SMG5: variants seen among roughly 807,000 people sequenced by gnomAD.
SMG5 encodes nonsense-mediated mRNA decay factor SMG5.
Under a neutral mutation model 122.9 loss-of-function variants are expected in SMG5, and 53 were observed. The ratio of observed to expected loss-of-function variants is 0.43; its 90% CI spans 0.35 to 0.54. SMG5 has a LOEUF of 0.54. Ranked by LOEUF, SMG5 falls within the 20% of genes least tolerant of loss-of-function variation. The pLI, the probability that SMG5 is intolerant of heterozygous loss-of-function variation, is 0.01. For missense variants in SMG5, 1,153 were observed against 1,285.6 expected, an observed-to-expected ratio of 0.90 and a Z score of 1.58; for synonymous variants, 477 against 490.2, an observed-to-expected ratio of 0.97 and a Z score of 0.35.
At chr1:156,266,502 C>T (rs1303252015) in intron 11 of SMG5, 39 bp downstream of exon 11, 2 of 1,613,658 alleles carry the variant, frequency 1.2e-6, no homozygotes, top group South Asian at 1.1e-5. Context: ...ATGCCCCACA[C>T]CAACCTTTCC....
Position 156,263,549 on chromosome 1 carries a change from G to A in SMG5, c.1877C>T (p.Ser626Leu), listed in dbSNP as rs1164468972. ...GCGTCCACTGGACTCACTCCCCTCCGACTCAGAGCCCTCCTCAGAGGCTGG... is the reference window on the plus strand; with the variant it reads ...GCGTCCACTGGACTCACTCCCCTCCAACTCAGAGCCCTCCTCAGAGGCTGG... The part of the protein sequence containing the change: ...SEPASEEGSE[S>L]EGSESSGRSC... The change falls in exon 13 of 22, where the codon TCG becomes TTG. Residue 626 changes from serine to leucine, a missense_variant. Physicochemically the swap from Ser to Leu is moderately radical, Grantham distance 145. Transcript: ENST00000361813. 6 of 1,613,896 alleles carry A rather than the reference G, an allele frequency of 3.7e-6. No individual in the cohort carries two copies. The highest frequency in any genetic ancestry group is 2.2e-5 in the East Asian group (1 of 44,880).
the SMG5 span, among the ~76,000 whole-genome samples, chr1:156,289,735 G>A: frequency 3.3e-5 from 5 of 152,322 alleles, no homozygotes; most frequent in South Asian, 2.1e-4. Flanking sequence ...AAAGAATAGA[G>A]GCACATGAAT....
rs1662160418 is a variant in SMG5 at position 156,266,603 on chromosome 1, C to G, written c.1193G>C (p.Arg398Pro). 3.1e-6 allele frequency: 5 copies of G among 1,614,084 alleles called. No homozygotes were observed. Among genetic ancestry groups the G allele is most frequent in the Non-Finnish European group, 4.2e-6 (5 of 1,180,024 alleles). Reference protein sequence around the residue: ...FSHLVNHVNIRLQAELEEGEN... With the variant: ...FSHLVNHVNIPLQAELEEGEN... ...GCCCTCTTCCAGCTCAGCCTGCAGC[C>G]GTATGTTGACATGATTGACGAGGTG... The change falls in exon 11 of 22, where the codon CGG (arginine) becomes CCG (proline). Residue 398 changes from arginine to proline, a missense_variant. Coordinates refer to ENST00000361813, the MANE Select transcript of SMG5 (RefSeq NM_015327.3).
chr1:156,253,833 C>T (rs1197184037), intron 16 of SMG5: 2 of 378,194 alleles, frequency 5.3e-6, no homozygotes, highest in Non-Finnish European at 1.0e-5. Context: ...TCAATCTGGT[C>T]TCCCTTCCCA....
intron 11 of SMG5, 68 bp from the exon 12 acceptor site, chr1:156,266,448 C>A: frequency 6.2e-7 from 1 of 1,603,306 alleles, no homozygotes. Flanking sequence ...AATGTGCTCT[C>A]CAACACCACT....
At chr1:156,278,116 C>T (rs2248273) in intron 2 of SMG5, 68 bp from the exon 3 acceptor site, 416,793 of 1,578,656 alleles carry the variant, frequency 0.26, 57,233 homozygotes, top group East Asian at 0.27. Context: ...GAACTGAGGG[C>T]AAGGAGTCAT....
intron 7 of SMG5, among the ~76,000 whole-genome samples, chr1:156,269,997 G>A (rs1439727847): frequency 3.3e-5 from 5 of 152,190 alleles, no homozygotes; most frequent in East Asian, 1.9e-4. Context: ...CCGAGATCGC[G>A]CCATTGCACA....
upstream of SMG5, chr1:156,286,594 C>T (rs1663170698): frequency 1.0e-6 from 1 of 977,566 alleles, no homozygotes; most frequent in Non-Finnish European, 1.5e-6. Context: ...CAAATGTGTG[C>T]CCTGGGGAGA....
At position 156,277,209 on chromosome 1, in the gene SMG5, G is replaced by A; in HGVS notation, c.330C>T (p.Ala110=). 1 of 1,613,754 alleles carries A rather than the reference G, an allele frequency of 6.2e-7. No individual in the cohort carries two copies. The change falls in exon 4 of 22, where the codon GCC becomes GCT. Residue 110 remains alanine, a synonymous_variant. Coordinates refer to ENST00000361813, the MANE Select transcript of SMG5 (RefSeq NM_015327.3). ...TACCAGCAACCAGGTGCGTCCTGTA[G>A]GCACATTCCAAAGTGCTCCGGCTGT... ...HIHSRSTLEC[A]YRTHLVAGIG... is the part of the protein sequence containing the mutation.
At position 156,260,477 on chromosome 1, in the gene SMG5, G is replaced by A. The variant is rs778480722; in HGVS notation, c.2257C>T (p.Arg753Trp). ...TCCTCTAAGGTGCTGAGCAGGGGCC[G>A]ATCCGTGTCAAAGTTAAAGCGTCTG... Reference protein sequence around the residue: ...AHRRFNFDTDRPLLSTLEESV... With the variant: ...AHRRFNFDTDWPLLSTLEESV... The change falls in exon 15 of 22, where the codon CGG (arginine) becomes TGG (tryptophan). Residue 753 changes from arginine (R) to tryptophan (W), a missense_variant. Physicochemically the swap from Arg to Trp is moderately radical, Grantham distance 101 (BLOSUM62 -3). Coordinates refer to ENST00000361813, the MANE Select transcript of SMG5 (RefSeq NM_015327.3). The A allele has an allele frequency of 1.8e-5, 28 of 1,595,700 alleles. No homozygotes were observed. Among genetic ancestry groups the A allele is most frequent in the East Asian group, 2.3e-5 (1 of 43,004 alleles).
In SMG5 at chr1:156,260,587, C is replaced by T; in HGVS notation, c.2147G>A (p.Gly716Asp). The T allele has an allele frequency of 1.3e-6, 2 of 1,524,208 alleles. No homozygotes were observed. The highest frequency in any genetic ancestry group is 1.3e-5 in the South Asian group (1 of 77,630). 94.4% of individuals were successfully genotyped at this position (1,524,208 alleles called of 1,614,324 possible). A position where few individuals can be genotyped will look rare whatever the true frequency, so the allele number is the denominator to read the frequency against. Residue 716 changes from glycine to aspartate, a missense_variant, in exon 15 of 22, where the codon GGT becomes GAT. Gly to Asp is a moderately conservative substitution (Grantham distance 94). Coordinates refer to ENST00000361813, the MANE Select transcript of SMG5 (RefSeq NM_015327.3). The part of the protein sequence containing the change: ...LCPEVQDLLE[G>D]CELPDLPSSL... The stretch of plus-strand genomic sequence containing the variant: ...AGAGGGGAGGTCAGGCAGTTCACAA[C>T]CTTCAAGAAGATCTTGGACCTCAGG...
the SMG5 span, among the ~76,000 whole-genome samples, chr1:156,289,117 C>T: frequency 6.6e-6 from 1 of 152,158 alleles, no homozygotes; most frequent in South Asian, 2.1e-4. Context: ...TCAGTTTCAT[C>T]ATCTGTAAAA....
At chr1:156,255,885 C>G (rs1373274617) in intron 16 of SMG5, among the ~76,000 whole-genome samples, 1 of 152,032 alleles carries the variant, frequency 6.6e-6, no homozygotes, top group African/African-American at 2.4e-5. Flanking sequence ...CCTGGGTCAA[C>G]AGAGCAAGAC....
At chr1:156,266,778 G>A in intron 10 of SMG5, 100 bp from the exon 11 acceptor site, 1 of 1,309,120 alleles carries the variant, frequency 7.6e-7, no homozygotes. Flanking sequence ...CTCTTCCAAG[G>A]ATCCAACTAC....
chr1:156,249,679 C>T lies in SMG5; in HGVS notation c.*908G>A, dbSNP rs1661225798. 2 of 460,760 alleles carry T rather than the reference C, an allele frequency of 4.3e-6. No homozygotes were observed. Among genetic ancestry groups the T allele is most frequent in the Admixed American group, 2.4e-5 (1 of 42,044 alleles). The allele number at this position is 460,760 out of a possible 1,614,324, so 28.5% of individuals were successfully genotyped here. A position where few individuals can be genotyped will look rare whatever the true frequency, so the allele number is the denominator to read the frequency against. ...CAAGGAGCCTCTCCTTTCTGCTGCC[C>T]ACTGAATGCCGGCCCCTTGTCTTCA... is the stretch of plus-strand genomic sequence containing the variant. On this transcript the variant is annotated 3_prime_UTR_variant, in exon 22 of 22. Coordinates refer to ENST00000361813, the MANE Select transcript of SMG5 (RefSeq NM_015327.3).
chr1:156,274,511 C>T (rs1164095229), intron 5 of SMG5, 86 bp downstream of exon 5: 2 of 1,215,312 alleles, frequency 1.6e-6, no homozygotes, highest in Non-Finnish European at 2.4e-6. Flanking sequence ...GCTCTCCAAC[C>T]ATGTAATGGG....
rs374990311 is a variant in SMG5, at chr1:156,273,353, C to A, written c.634+8G>T. 15 of 1,612,750 alleles carry A rather than the reference C, an allele frequency of 9.3e-6. No homozygotes were observed. The highest frequency in any genetic ancestry group is 1.1e-5 in the Non-Finnish European group (13 of 1,179,668). On this transcript the variant is annotated splice_region_variant and intron_variant, in intron 6 of 21. Coordinates refer to ENST00000361813, the MANE Select transcript of SMG5 (RefSeq NM_015327.3). ...TGGATTCAGAGGCCCAAGTTGGGGA[C>A]AACTTACCAATCTGAGGAGCTACTG...
At chr1:156,281,617 G>C (rs1201250773) in intron 1 of SMG5, among the ~76,000 whole-genome samples, 5 of 152,198 alleles carry the variant, frequency 3.3e-5, no homozygotes, top group Non-Finnish European at 5.9e-5. Flanking sequence ...CTCTTTCACC[G>C]CCAAAATGTG....
At chr1:156,257,374 G>A (rs1661624477) in intron 16 of SMG5, among the ~76,000 whole-genome samples, 1 of 152,096 alleles carries the variant, frequency 6.6e-6, no homozygotes, top group Admixed American at 6.5e-5. Flanking sequence ...TCTGGGCTGG[G>A]GATAAGCCCT....
Sources: gnomAD v4.1 joint callset for allele counts (sites outside exome capture counted in the v4.1 genomes callset) on GRCh38, gnomAD v4.1.1 for gene constraint, MANE v1.5 for transcripts, NCBI Gene and HGNC (gene_info 2026-07-23, HGNC 2026-07-21) for gene names.